The following FERMT2 variants were observed in gnomAD, a reference collection of about 807,000 sequenced individuals.
The protein encoded by FERMT2 is FERM domain containing kindlin 2.
Under a neutral mutation model 82.7 loss-of-function variants are expected in FERMT2, and 15 were observed. The observed-to-expected ratio is 0.18, with a 90% CI of 0.12 to 0.28. FERMT2 has a LOEUF of 0.28. Ranked by LOEUF, FERMT2 falls within the 10% of genes least tolerant of loss-of-function variation. FERMT2 has a pLI of 1.00. For missense variants in FERMT2, 645 were observed against 809.4 expected, an observed-to-expected ratio of 0.80 and a Z score of 2.46; for synonymous variants, 274 against 271.5, an observed-to-expected ratio of 1.01 and a Z score of -0.09.
At chr14:52,872,017 C>T (rs1284615439) in intron 10 of FERMT2, 1 of 152,342 alleles carries the variant, frequency 6.6e-6, no homozygotes, top group African/African-American at 2.4e-5. Context: ...CTGAAAGTGT[C>T]AGCTACTCTA....
intron 4 of FERMT2, among the ~76,000 whole-genome samples, chr14:52,888,763 A>G (rs1055546950): frequency 4.6e-5 from 7 of 152,228 alleles, no homozygotes; most frequent in Non-Finnish European, 8.8e-5. Context: ...AGAAACATTC[A>G]GCGTTATCGC....
intron 3 of FERMT2, among the ~76,000 whole-genome samples, chr14:52,896,044 GCACTTATTTTTAAAAT>G (rs1175699094): frequency 6.6e-6 from 1 of 152,126 alleles, no homozygotes; most frequent in Non-Finnish European, 1.5e-5. Context: ...GTGAGCCACT[GCACTTATTTTTAAAAT>G]GTATTTAAAA....
Position 52,950,585 on chromosome 14 carries a change from C to G in FERMT2, c.-9-8G>C. ...CAGAGCCATGGCTCCTTCCTGCGAG[C>G]GCGGAGGAAATGGCTCTCGTAAGCG... is the stretch of plus-strand genomic sequence containing the variant. On this transcript the variant is annotated splice_region_variant and splice_polypyrimidine_tract_variant and intron_variant, in intron 1 of 14. Transcript: ENST00000341590. 3 of 1,610,006 alleles carry G rather than the reference C, an allele frequency of 1.9e-6. No homozygotes were observed. Among genetic ancestry groups the G allele is most frequent in the South Asian group, 2.2e-5 (2 of 90,492 alleles).
chr14:52,875,139 C>T (rs1201366187), intron 8 of FERMT2, 84 bp downstream of exon 8: 2 of 1,175,318 alleles, frequency 1.7e-6, no homozygotes, highest in African/African-American at 1.5e-5. Flanking sequence ...CTCCACCACC[C>T]CCAAATACTT....
rs151181101 is a variant in FERMT2, at chr14:52,923,415, G to GAAAGA, written c.158-4064_158-4060dup. Among the ~76,000 whole-genome samples the GAAAGA allele has an allele frequency of 1.8e-3, 276 of 152,104 alleles. 1 individual carries two copies. Among genetic ancestry groups the GAAAGA allele is most frequent in the Non-Finnish European group, 2.8e-3 (190 of 67,986 alleles). Reference sequence around the variant, plus strand: ...CCTACTATCCATACTTAAGAAAAAAGAAAGAAAAGAAAAGAAAACTTTGCA... The same window carrying GAAAGA: ...CCTACTATCCATACTTAAGAAAAAAGAAAGAAAAGAAAAGAAAAGAAAACTTTGCA... On this transcript the variant is annotated intron_variant, in intron 2 of 14. Coordinates refer to ENST00000341590, the MANE Select transcript of FERMT2 (RefSeq NM_006832.3).
intron 3 of FERMT2, among the ~76,000 whole-genome samples, chr14:52,914,361 T>C (rs1888499007): frequency 6.6e-6 from 1 of 151,054 alleles, no homozygotes; most frequent in South Asian, 2.1e-4. Flanking sequence ...CAGAGCAAGA[T>C]ACTATCTCAA....
rs891730940 is a variant in FERMT2 at position 52,876,836 on chromosome 14, T to A, written c.964-1479A>T. On this transcript the variant is annotated intron_variant, in intron 7 of 14. Transcript: ENST00000341590. ...TCACCATACTTTCACAGTTTCCTTA[T>A]TCTGGTACTAGTTGGCTTCCTACAA... Among the ~76,000 whole-genome samples the A allele has an allele frequency of 3.9e-5, 6 of 152,214 alleles. No homozygotes were observed. The East Asian group carries it at 1.2e-3, about 29-fold the overall frequency.
chr14:52,936,450 T>C (rs1889840531), intron 2 of FERMT2, among the ~76,000 whole-genome samples: 1 of 152,246 alleles, frequency 6.6e-6, no homozygotes, highest in Non-Finnish European at 1.5e-5. Flanking sequence ...AAGTCTTTTA[T>C]GGGCATCTCA....
chr14:52,925,878 A>C (rs143708317), intron 2 of FERMT2, among the ~76,000 whole-genome samples: 1,758 of 152,202 alleles, frequency 0.012, 28 homozygotes, highest in African/African-American at 0.04. Context: ...TCCTGACCTC[A>C]AGTGATCCAA....
At chr14:52,950,612 C>T (rs1217092887) in intron 1 of FERMT2, 35 bp from the exon 2 acceptor site, 1 of 1,602,604 alleles carries the variant, frequency 6.2e-7, no homozygotes, top group Admixed American at 1.7e-5. Flanking sequence ...TCGTAAGCGT[C>T]ACTCCCCCAA....
chr14:52,937,675 G>C (rs927208111), intron 2 of FERMT2, among the ~76,000 whole-genome samples: 2 of 152,172 alleles, frequency 1.3e-5, no homozygotes, highest in Admixed American at 6.5e-5. Flanking sequence ...AATGTTTGTT[G>C]CTGCTACTAC....
chr14:52,875,399 TA>T, intron 7 of FERMT2, 42 bp from the exon 8 acceptor site: 1 of 1,406,036 alleles, frequency 7.1e-7, no homozygotes, highest in South Asian at 1.3e-5. Context: ...GCTATAACTG[TA>T]AAACTCTAAA....
rs150587727 is a variant in FERMT2, at chr14:52,878,909, C to A, written c.856-220G>T. On this transcript the variant is annotated intron_variant, in intron 6 of 14. Transcript: ENST00000341590. ...ACATCTAATTTTCCATTAAAAATGA[C>A]ATTAAAATATGACAGAGAATAATTG... Among the ~76,000 whole-genome samples the A allele has an allele frequency of 2.6e-5, 4 of 152,174 alleles. No individual in the cohort carries two copies. The East Asian group carries it at 7.7e-4, about 29-fold the overall frequency.
intron 2 of FERMT2, among the ~76,000 whole-genome samples, chr14:52,936,572 C>T (rs117238567): frequency 1.3e-5 from 2 of 152,170 alleles, no homozygotes; most frequent in South Asian, 2.1e-4. Context: ...GCTCCCCCAT[C>T]ATCACCAGAC....
At chr14:52,915,787 A>G (rs1051883086) in intron 3 of FERMT2, among the ~76,000 whole-genome samples, 1 of 152,256 alleles carries the variant, frequency 6.6e-6, no homozygotes. Flanking sequence ...AATAAAAAGT[A>G]CATAAAATCA....
chr14:52,877,791 AT>A (rs1041724617), intron 7 of FERMT2, among the ~76,000 whole-genome samples: 2 of 152,082 alleles, frequency 1.3e-5, no homozygotes, highest in African/African-American at 4.8e-5. Context: ...TACTTCTGTT[AT>A]TTATAGAACA....
chr14:52,892,620 A>G (rs1013790347), intron 4 of FERMT2, among the ~76,000 whole-genome samples: 1 of 151,154 alleles, frequency 6.6e-6, no homozygotes, highest in Non-Finnish European at 1.5e-5. Flanking sequence ...ACGTCCAGCT[A>G]ATTTTTTTTG....
At position 52,866,185 on chromosome 14, in the gene FERMT2, T is replaced by C. The variant is rs371390029; in HGVS notation, c.1274-1332A>G. On this transcript the variant is annotated intron_variant, in intron 10 of 14. Transcript: ENST00000341590. ...GTGGGTGGTAACTCAGGCACTAGTGTAGGCTCAGAGGCCTACAGGGGCCAC... is the reference window on the plus strand; with the variant it reads ...GTGGGTGGTAACTCAGGCACTAGTGCAGGCTCAGAGGCCTACAGGGGCCAC... Among the ~76,000 whole-genome samples, 8 of 152,294 alleles carry C rather than the reference T, an allele frequency of 5.3e-5. No individual in the cohort carries two copies. The East Asian group carries it at 5.8e-4, about 11-fold the overall frequency.
intron 3 of FERMT2, among the ~76,000 whole-genome samples, chr14:52,908,906 A>T (rs1198470592): frequency 6.6e-6 from 1 of 152,174 alleles, no homozygotes; most frequent in African/African-American, 2.4e-5. Flanking sequence ...CTAGATACTT[A>T]AAAAGGCATG....
Sources: gnomAD v4.1 joint callset for allele counts (sites outside exome capture counted in the v4.1 genomes callset) on GRCh38, gnomAD v4.1.1 for gene constraint, MANE v1.5 for transcripts, NCBI Gene and HGNC (gene_info 2026-07-23, HGNC 2026-07-21) for gene names.